FUZ: variants seen among roughly 807,000 people sequenced by gnomAD.
FUZ encodes protein fuzzy homolog.
A neutral mutation model predicts 43.1 loss-of-function variants in FUZ; 31 were observed. That is an observed-to-expected ratio of 0.72 (90% CI 0.54 to 0.97). The LOEUF is 0.97. Among genes scored for constraint, FUZ ranks in the 50% least tolerant of loss-of-function variants. The pLI is 0.00. For missense variants in FUZ, 539 were observed against 543.8 expected, an observed-to-expected ratio of 0.99 and a Z score of 0.09; for synonymous variants, 274 against 250.0, an observed-to-expected ratio of 1.10 and a Z score of -0.91.
At position 49,809,809 on chromosome 19, in the gene FUZ, C is replaced by T. The variant is rs1568604343; in HGVS notation, c.493-234G>A. 4 of 593,614 alleles carry T rather than the reference C, an allele frequency of 6.7e-6. No individual in the cohort carries two copies. Among genetic ancestry groups the T allele is most frequent in the Non-Finnish European group, 1.2e-5 (4 of 331,906 alleles). The allele number at this position is 593,614 out of a possible 1,614,324, so 36.8% of individuals were successfully genotyped here. Reference sequence around the variant, plus strand: ...AATCTGATTAAACATCTAGCCTGGGCGGGCAAACTGAAGCTAATAATGTAA... The same window carrying T: ...AATCTGATTAAACATCTAGCCTGGGTGGGCAAACTGAAGCTAATAATGTAA... On this transcript the variant is annotated intron_variant, in intron 5 of 10. Transcript: ENST00000313777. This position sits in a 1 kb window ranked among gnomAD's most constrained non-coding sequence, Gnocchi z 5.1.
rs2073649460 is a variant in FUZ, at chr19:49,809,562, C to G, written c.506G>C (p.Gly169Ala). The change falls in exon 6 of 11, where the codon GGG (glycine) becomes GCG (alanine). Residue 169 changes from glycine to alanine, a missense_variant. Transcript: ENST00000313777. The surrounding 1 kb of genome is among the most constrained non-coding windows in gnomAD (Gnocchi z 5.1). ...GGTCGTGCCCGCGGCCTCAGCGAAC[C>G]CGGAGAGGGCTTCCTGGGTACGGGA... is the stretch of plus-strand genomic sequence containing the variant. Reference protein sequence around the residue: ...EGSLLQEALSGFAEAAGTTFV... With the variant: ...EGSLLQEALSAFAEAAGTTFV... The G allele has an allele frequency of 6.3e-7, 1 of 1,597,458 alleles. No individual in the cohort carries two copies. The highest frequency in any genetic ancestry group is 1.1e-5 in the South Asian group (1 of 89,158).
Position 49,809,733 on chromosome 19 carries a change from C to T in FUZ, c.493-158G>A, listed in dbSNP as rs1415765170. 1.3e-5 allele frequency: 9 copies of T among 707,310 alleles called. No homozygotes were observed. In the East Asian group the frequency reaches 1.9e-4, roughly 15 times the overall value. 43.8% of individuals were successfully genotyped at this position (707,310 alleles called of 1,614,324 possible). ...TCTCACCCTCTCTGAGCCTGAGTTC[C>T]TTCACTTTCATACGAAGTCACATCC... On this transcript the variant is annotated intron_variant, in intron 5 of 10. Transcript: ENST00000313777. This position sits in a 1 kb window ranked among gnomAD's most constrained non-coding sequence, Gnocchi z 5.1.
rs762368062 is a variant in FUZ at position 49,808,448 on chromosome 19, G to A, written c.999C>T (p.Phe333=). The change falls in exon 10 of 11, where the codon TTC becomes TTT. Residue 333 remains phenylalanine, a synonymous_variant. Transcript: ENST00000313777. ...AGTGCGTGGAGGTGACCAGGGTATA[G>A]AAGTTTCGGAGGAGGCGCCGGCGCT... The part of the protein sequence containing the change: ...PEQRRRLLRN[F]YTLVTSTHFP... 2 of 1,612,762 alleles carry A rather than the reference G, an allele frequency of 1.2e-6. No homozygotes were observed. The highest frequency in any genetic ancestry group is 3.3e-5 in the Admixed American group (2 of 59,964).
chr19:49,813,067 A>G lies in FUZ; in HGVS notation c.40T>C (p.Cys14Arg). Residue 14 changes from cysteine (C) to arginine (R), a missense_variant, in exon 1 of 11, where the codon TGC (cysteine) becomes CGC (arginine). Coordinates refer to ENST00000313777, the MANE Select transcript of FUZ (RefSeq NM_025129.5). ...EGTGGTVHLL[C>R]LAASSGVPLF... ...GGGACCCCGCTGGAGGCCGCGAGGC[A>G]CAGCAGATGCACAGTGCCGCCCGTC... The G allele has an allele frequency of 6.4e-7, 1 of 1,551,348 alleles. No homozygotes were observed. Among genetic ancestry groups the G allele is most frequent in the Non-Finnish European group, 8.7e-7 (1 of 1,146,958 alleles).
chr19:49,809,300 C>T lies in FUZ; in HGVS notation c.691-42G>A. 1 of 1,549,304 alleles carries T rather than the reference C, an allele frequency of 6.5e-7. No homozygotes were observed. The highest frequency in any genetic ancestry group is 8.7e-7 in the Non-Finnish European group (1 of 1,146,556). Reference sequence around the variant, plus strand: ...GCTGGGGCTCATCGCGGCCCGGCCCCTTTCCATCGCAGATCCCGCCTCCTC... The same window carrying T: ...GCTGGGGCTCATCGCGGCCCGGCCCTTTTCCATCGCAGATCCCGCCTCCTC... On this transcript the variant is annotated intron_variant, in intron 6 of 10. Transcript: ENST00000313777. The surrounding 1 kb of genome is among the most constrained non-coding windows in gnomAD (Gnocchi z 5.1).
intron 10 of FUZ, chr19:49,808,101 G>C: frequency 4.5e-6 from 2 of 440,734 alleles, no homozygotes; most frequent in African/African-American, 4.0e-5. Context: ...ATGAGGTAAT[G>C]GGATAGTCCT....
At position 49,808,424 on chromosome 19, in the gene FUZ, G is replaced by A. The variant is rs1172842834; in HGVS notation, c.1023C>T (p.His341=). ...GTGCCTTCCGCTGACCTGGTGGGAA[G>A]TGCGTGGAGGTGACCAGGGTATAGA... is the stretch of plus-strand genomic sequence containing the variant. ...RNFYTLVTST[H]FPPEPGPPEK... is the part of the protein sequence containing the mutation. The change falls in exon 10 of 11, where the codon CAC becomes CAT. Residue 341 remains histidine (H), a synonymous_variant. Transcript: ENST00000313777. 3.1e-6 allele frequency: 5 copies of A among 1,612,154 alleles called. No homozygotes were observed. The highest frequency in any genetic ancestry group is 4.2e-6 in the Non-Finnish European group (5 of 1,179,502).
At chr19:49,808,148 C>A (rs891535815) in intron 10 of FUZ, 8 of 545,916 alleles carry the variant, frequency 1.5e-5, no homozygotes, top group Middle Eastern at 5.0e-4. Context: ...TCTTTCATTA[C>A]GTGTAAAGGC....
rs778338671 is a variant in FUZ, at chr19:49,811,589, C to T, written c.387+42G>A. 1.2e-5 allele frequency: 20 copies of T among 1,600,450 alleles called. No individual in the cohort carries two copies. In the South Asian group the frequency reaches 2.1e-4, roughly 17 times the overall value. ...AACTGTAGTTCCCAAATGGCAGTGC[C>T]CAGGTATCCTAACTTCCCACCCTCA... On this transcript the variant is annotated intron_variant, in intron 4 of 10. Transcript: ENST00000313777.
intron 3 of FUZ, 68 bp from the exon 4 acceptor site, chr19:49,811,767 G>T: frequency 1.5e-6 from 2 of 1,314,838 alleles, no homozygotes; most frequent in Non-Finnish European, 2.2e-6. Flanking sequence ...TGAAGGAAGA[G>T]GGGGCTGGGA....
In FUZ at chr19:49,809,680, G is replaced by A. The variant is rs1600279503; in HGVS notation, c.493-105C>T. 7.4e-6 allele frequency: 9 copies of A among 1,219,628 alleles called. No individual in the cohort carries two copies. Among genetic ancestry groups the A allele is most frequent in the Non-Finnish European group, 2.3e-6 (2 of 862,140 alleles). The allele number at this position is 1,219,628 out of a possible 1,614,324, so 75.6% of individuals were successfully genotyped here. On this transcript the variant is annotated intron_variant, in intron 5 of 10. Transcript: ENST00000313777. This position sits in a 1 kb window ranked among gnomAD's most constrained non-coding sequence, Gnocchi z 5.1. ...TGGGGAGAAACCCACAGCCAGCCCC[G>A]AGCTCGCGCAGTGGCCATGCTCCTA...
rs1211928024 is a variant in FUZ at position 49,809,588 on chromosome 19, G to A, written c.493-13C>T. The A allele has an allele frequency of 6.3e-7, 1 of 1,582,278 alleles. No homozygotes were observed. Among genetic ancestry groups the A allele is most frequent in the Non-Finnish European group, 8.5e-7 (1 of 1,170,024 alleles). ...CGGAGAGGGCTTCCTGGGTACGGGA[G>A]GCAGGAGGACTGGGAGTCAGCAGAC... On this transcript the variant is annotated splice_polypyrimidine_tract_variant and intron_variant, in intron 5 of 10. Coordinates refer to ENST00000313777, the MANE Select transcript of FUZ (RefSeq NM_025129.5). This position sits in a 1 kb window ranked among gnomAD's most constrained non-coding sequence, Gnocchi z 5.1.
intron 4 of FUZ, 22 bp downstream of exon 4, chr19:49,811,609 C>T: frequency 6.2e-7 from 1 of 1,612,904 alleles, no homozygotes; most frequent in Non-Finnish European, 8.5e-7. Context: ...TAACTTCCCA[C>T]CCTCATGTCC....
At chr19:49,811,292 G>T in intron 5 of FUZ, 71 bp downstream of exon 5, 1 of 1,065,798 alleles carries the variant, frequency 9.4e-7, no homozygotes, top group Non-Finnish European at 1.4e-6. Context: ...CAATGGTCCA[G>T]AAGAAAGAGG....
rs990223285 is a variant in FUZ at position 49,809,965 on chromosome 19, A to G, written c.493-390T>C. 3.1e-5 allele frequency: 11 copies of G among 356,812 alleles called. No individual in the cohort carries two copies. The Admixed American group carries it at 4.3e-4, about 14-fold the overall frequency. 22.1% of individuals were successfully genotyped at this position (356,812 alleles called of 1,614,324 possible). ...CCACACCAGGCAAGTCCACAAGAGC[A>G]GTATTTAAGTAGAGGTAGCTAGAGA... is the stretch of plus-strand genomic sequence containing the variant. On this transcript the variant is annotated intron_variant, in intron 5 of 10. Coordinates refer to ENST00000313777, the MANE Select transcript of FUZ (RefSeq NM_025129.5). The surrounding 1 kb of genome is among the most constrained non-coding windows in gnomAD (Gnocchi z 5.1).
chr19:49,809,549 G>A lies in FUZ; in HGVS notation c.519C>T (p.Ala173=), dbSNP rs562971935. 2.5e-6 allele frequency: 4 copies of A among 1,599,878 alleles called. No homozygotes were observed. In the South Asian group the frequency reaches 4.5e-5, roughly 18 times the overall value. The part of the protein sequence containing the change: ...LQEALSGFAE[A]AGTTFVSLVV... Reference sequence around the variant, plus strand: ...CCAGACTGACGAAGGTCGTGCCCGCGGCCTCAGCGAACCCGGAGAGGGCTT... The same window carrying A: ...CCAGACTGACGAAGGTCGTGCCCGCAGCCTCAGCGAACCCGGAGAGGGCTT... Residue 173 remains alanine, a synonymous_variant, in exon 6 of 11, where the codon GCC becomes GCT. Transcript: ENST00000313777. This position sits in a 1 kb window ranked among gnomAD's most constrained non-coding sequence, Gnocchi z 5.1.
chr19:49,809,179 C>T lies in FUZ; in HGVS notation c.770G>A (p.Ser257Asn). 1 of 1,551,824 alleles carries T rather than the reference C, an allele frequency of 6.4e-7. No individual in the cohort carries two copies. Among genetic ancestry groups the T allele is most frequent in the Non-Finnish European group, 8.7e-7 (1 of 1,147,190 alleles). ...CLLCGPSPPL[S>N]QLYPQLLERW... is the part of the protein sequence containing the mutation. ...CGGGTTCACCTGTGGATACAACTGG[C>T]TGAGGGGTGGGCTCGGCCCGCAGAG... The change falls in exon 7 of 11, where the codon AGC (serine) becomes AAC (asparagine). Residue 257 changes from serine to asparagine, a missense_variant. Physicochemically the swap from Ser to Asn is conservative, Grantham distance 46 (BLOSUM62 1). Coordinates refer to ENST00000313777, the MANE Select transcript of FUZ (RefSeq NM_025129.5). This position sits in a 1 kb window ranked among gnomAD's most constrained non-coding sequence, Gnocchi z 5.1.
Position 49,808,467 on chromosome 19 carries a change from C to A in FUZ, c.980G>T (p.Arg327Leu). ...GGTATAGAAGTTTCGGAGGAGGCGC[C>A]GGCGCTGTTCTGGTGAAGGCTCTGC... ...GDKEPSPEQR[R>L]RLLRNFYTLV... is the part of the protein sequence containing the mutation. The change falls in exon 10 of 11, where the codon CGG becomes CTG. Residue 327 changes from arginine (R) to leucine (L), a missense_variant. Physicochemically the swap from Arg to Leu is moderately radical, Grantham distance 102 (BLOSUM62 -2). Coordinates refer to ENST00000313777, the MANE Select transcript of FUZ (RefSeq NM_025129.5). The A allele has an allele frequency of 6.2e-7, 1 of 1,612,308 alleles. No individual in the cohort carries two copies. The highest frequency in any genetic ancestry group is 8.5e-7 in the Non-Finnish European group (1 of 1,179,560).
chr19:49,808,238 T>A, intron 10 of FUZ, 176 bp downstream of exon 10: 1 of 716,410 alleles, frequency 1.4e-6, no homozygotes, highest in Non-Finnish European at 2.4e-6. Flanking sequence ...GGGACCTCCC[T>A]TCCCCTCCCT....
Sources: gnomAD v4.1 joint callset for allele counts on GRCh38, gnomAD v4.1.1 for gene constraint, Gnocchi (gnomAD v3.1) non-coding constraint, MANE v1.5 for transcripts, NCBI Gene and HGNC (gene_info 2026-07-23, HGNC 2026-07-21) for gene names.